Variants in ELAVL3 observed in about 807,000 individuals in gnomAD.
The protein encoded by ELAVL3 is ELAV-like protein 3.
ELAVL3 carries 8 observed loss-of-function variants against 34.2 expected under a neutral mutation model. The observed-to-expected ratio is 0.23, with a 90% CI of 0.14 to 0.42. The LOEUF (loss-of-function observed/expected upper bound fraction) is 0.42. Ranked by LOEUF, ELAVL3 falls within the 10% of genes least tolerant of loss-of-function variation. ELAVL3 has a pLI of 1.00. For missense variants in ELAVL3, 273 were observed against 518.8 expected (o/e 0.53, Z 4.60); for synonymous variants, 209 against 222.1 (o/e 0.94, Z 0.53).
At chr19:11,464,123 GTCTCTCTC>G (rs1165917141) in intron 3 of ELAVL3, among the ~76,000 whole-genome samples, 47 of 110,952 alleles carry the variant, frequency 4.2e-4, no homozygotes, top group African/African-American at 1.5e-3. Context: ...GTCTCTCTCT[GTCTCTCTC>G]TCTCTCTCTC....
At position 11,480,765 on chromosome 19, in the gene ELAVL3, C is replaced by T; in HGVS notation, c.-157G>A. 3.1e-6 allele frequency: 2 copies of T among 644,948 alleles called. No homozygotes were observed. Among genetic ancestry groups the T allele is most frequent in the Middle Eastern group, 4.8e-4 (1 of 2,082 alleles). 40.0% of individuals were successfully genotyped at this position (644,948 alleles called of 1,614,324 possible). On this transcript the variant is annotated 5_prime_UTR_variant, in exon 1 of 7. Transcript: ENST00000359227. The surrounding 1 kb of genome is among the most constrained non-coding windows in gnomAD (Gnocchi z 6.8). ...ATGAAGGCGGCGGCTCCCTCGAGGGCCAGGGACGGGCCCGAACCCGGGGAT... is the reference window on the plus strand; with the variant it reads ...ATGAAGGCGGCGGCTCCCTCGAGGGTCAGGGACGGGCCCGAACCCGGGGAT...
rs1019754431 is a variant in ELAVL3 at position 11,480,080 on chromosome 19, C to T, written c.9+520G>A. Among the ~76,000 whole-genome samples, 1 of 151,962 alleles carries T rather than the reference C, an allele frequency of 6.6e-6. No individual in the cohort carries two copies. The highest frequency in any genetic ancestry group is 1.5e-5 in the Non-Finnish European group (1 of 67,922). On this transcript the variant is annotated intron_variant, in intron 1 of 6. Transcript: ENST00000359227. This position sits in a 1 kb window ranked among gnomAD's most constrained non-coding sequence, Gnocchi z 6.8. The stretch of plus-strand genomic sequence containing the variant: ...CCTCCGGGCGCGCCCCCTCCTCTCC[C>T]CTCCCCGCTTGCCGCAAGGTCGACG...
At chr19:11,462,193 GAAAT>G in intron 3 of ELAVL3, among the ~76,000 whole-genome samples, 1 of 124,068 alleles carries the variant, frequency 8.1e-6, no homozygotes, top group Non-Finnish European at 1.6e-5. Context: ...AAAAAAAAAA[GAAAT>G]AACTAGTTTA....
chr19:11,451,601 G>C lies in ELAVL3; in HGVS notation c.*2925C>G. 1 of 151,348 alleles carries C rather than the reference G, an allele frequency of 6.6e-6. No homozygotes were observed. Among genetic ancestry groups the C allele is most frequent in the Non-Finnish European group, 1.5e-5 (1 of 67,750 alleles). 9.4% of individuals were successfully genotyped at this position (151,348 alleles called of 1,614,324 possible). A position where few individuals can be genotyped will look rare whatever the true frequency, so the allele number is the denominator to read the frequency against. Reference sequence around the variant, plus strand: ...ACAGGATGAAGGGAGGGGTGGAGGGGCTGAGCCCCCTCCCCCCTGGCCTGG... The same window carrying C: ...ACAGGATGAAGGGAGGGGTGGAGGGCCTGAGCCCCCTCCCCCCTGGCCTGG... On this transcript the variant is annotated 3_prime_UTR_variant, in exon 7 of 7. Transcript: ENST00000359227.
intron 6 of ELAVL3, among the ~76,000 whole-genome samples, chr19:11,455,497 G>A (rs981489928): frequency 3.9e-5 from 6 of 152,014 alleles, no homozygotes; most frequent in Admixed American, 1.3e-4. Flanking sequence ...ATGTTGATCA[G>A]GCTGGTCTCG....
Position 11,459,852 on chromosome 19 carries a change from GC to G in ELAVL3, c.334-1242del, listed in dbSNP as rs113662432. On this transcript the variant is annotated intron_variant, in intron 3 of 6. Transcript: ENST00000359227. ...TCCTCCCACCTCAGCCTCCCAAGTA[GC>G]TGGGACTACAGGCATGCACCACCAC... 2.6e-5 allele frequency among the ~76,000 whole-genome samples: 4 copies of G among 152,166 alleles called. 1 individual carries two copies. Among genetic ancestry groups the G allele is most frequent in the African/African-American group, 9.6e-5 (4 of 41,504 alleles).
chr19:11,464,117 CTCTCTG>C (rs1970951097), intron 3 of ELAVL3, among the ~76,000 whole-genome samples: 1 of 127,184 alleles, frequency 7.9e-6, no homozygotes, highest in African/African-American at 3.8e-5. Flanking sequence ...CTCTCTGTCT[CTCTCTG>C]TCTCTCTCTC....
At position 11,466,663 on chromosome 19, in the gene ELAVL3, G is replaced by C; in HGVS notation, c.174C>G (p.Leu58=). 1 of 1,614,226 alleles carries C rather than the reference G, an allele frequency of 6.2e-7. No homozygotes were observed. The highest frequency in any genetic ancestry group is 8.5e-7 in the Non-Finnish European group (1 of 1,180,046). ...QNMTQDEFKS[L]FGSIGDIESC... ...ACTCGATGTCGCCAATGCTGCCGAAGAGACTCTTGAACTCATCCTGGGTCA... is the reference window on the plus strand; with the variant it reads ...ACTCGATGTCGCCAATGCTGCCGAACAGACTCTTGAACTCATCCTGGGTCA... The change falls in exon 2 of 7, where the codon CTC becomes CTG. Residue 58 remains leucine (L), a synonymous_variant. Coordinates refer to ENST00000359227, the MANE Select transcript of ELAVL3 (RefSeq NM_001420.4). This position sits in a 1 kb window ranked among gnomAD's most constrained non-coding sequence, Gnocchi z 5.0.
At chr19:11,473,687 A>T (rs1468079708) in intron 1 of ELAVL3, among the ~76,000 whole-genome samples, 1 of 152,232 alleles carries the variant, frequency 6.6e-6, no homozygotes, top group African/African-American at 2.4e-5. Context: ...GAGATATTTT[A>T]AAAATTGCCA....
intron 1 of ELAVL3, among the ~76,000 whole-genome samples, chr19:11,467,939 G>A (rs1971089261): frequency 6.6e-6 from 1 of 152,138 alleles, no homozygotes; most frequent in Non-Finnish European, 1.5e-5. Flanking sequence ...ATAGGCGCAT[G>A]CCACCATGTC....
intron 1 of ELAVL3, among the ~76,000 whole-genome samples, chr19:11,475,365 T>G (rs1971243249): frequency 6.6e-6 from 1 of 152,226 alleles, no homozygotes; most frequent in South Asian, 2.1e-4. Flanking sequence ...ATGCCTTGTC[T>G]CGCTATGTTG....
In ELAVL3 at chr19:11,454,515, GC is replaced by G. The variant is rs1483574750; in HGVS notation, c.*10del. 1 of 1,576,646 alleles carries G rather than the reference GC, an allele frequency of 6.3e-7. No homozygotes were observed. The highest frequency in any genetic ancestry group is 8.6e-7 in the Non-Finnish European group (1 of 1,160,204). On this transcript the variant is annotated 3_prime_UTR_variant, in exon 7 of 7. Coordinates refer to ENST00000359227, the MANE Select transcript of ELAVL3 (RefSeq NM_001420.4). The surrounding 1 kb of genome is among the most constrained non-coding windows in gnomAD (Gnocchi z 9.2). ...GCCCGGGGAGGGGGTGGGAGGGCAGGCGGGGTGGGCTCACGCCTTGTGCTGT... is the reference window on the plus strand; with the variant it reads ...GCCCGGGGAGGGGGTGGGAGGGCAGGGGGGTGGGCTCACGCCTTGTGCTGT...
chr19:11,476,656 TG>T (rs1292755483), intron 1 of ELAVL3, among the ~76,000 whole-genome samples: 1 of 151,808 alleles, frequency 6.6e-6, no homozygotes, highest in East Asian at 1.9e-4. Context: ...CCCAATACTT[TG>T]GGAGGCCTAG....
intron 3 of ELAVL3, among the ~76,000 whole-genome samples, chr19:11,459,624 G>C (rs993399881): frequency 6.6e-6 from 1 of 151,400 alleles, no homozygotes; most frequent in African/African-American, 2.4e-5. Flanking sequence ...TGTTACCTAG[G>C]CTGGTATTGA....
At chr19:11,460,106 G>A (rs116829465) in intron 3 of ELAVL3, among the ~76,000 whole-genome samples, 1,826 of 152,142 alleles carry the variant, frequency 0.012, 40 homozygotes, top group African/African-American at 0.042. Context: ...CCTCCAATCT[G>A]CCCCAACTCA....
At chr19:11,465,691 C>G (rs1211670314) in intron 3 of ELAVL3, among the ~76,000 whole-genome samples, 2 of 152,130 alleles carry the variant, frequency 1.3e-5, no homozygotes, top group Admixed American at 1.3e-4. Context: ...ATGACGATTC[C>G]CCCCCAGGGA....
intron 3 of ELAVL3, among the ~76,000 whole-genome samples, chr19:11,462,568 C>T (rs547646956): frequency 3.3e-5 from 5 of 151,092 alleles, no homozygotes; most frequent in Admixed American, 6.6e-5. Flanking sequence ...ACCTGAGAGG[C>T]GGAATTGCAG....
In ELAVL3 at chr19:11,454,903, G is replaced by A; in HGVS notation, c.753-26C>T. 1 of 1,568,518 alleles carries A rather than the reference G, an allele frequency of 6.4e-7. No homozygotes were observed. On this transcript the variant is annotated intron_variant, in intron 6 of 6. Transcript: ENST00000359227. The surrounding 1 kb of genome is among the most constrained non-coding windows in gnomAD (Gnocchi z 9.2). The stretch of plus-strand genomic sequence containing the variant: ...CTACTTTGGGGGTCACGCGGGCTCT[G>A]CCCTGACCCCCCGCATGCTTCTGAC...
intron 1 of ELAVL3, among the ~76,000 whole-genome samples, chr19:11,467,236 A>G (rs1971073133): frequency 6.6e-6 from 1 of 151,978 alleles, no homozygotes; most frequent in South Asian, 2.1e-4. Context: ...CAGCCAGACC[A>G]ACATGGAGAA....
Sources: allele counts gnomAD v4.1 joint callset (sites outside exome capture counted in the v4.1 genomes callset), GRCh38; gene constraint gnomAD v4.1.1; non-coding constraint Gnocchi (gnomAD v3.1); transcripts MANE v1.5; gene names NCBI Gene and HGNC (gene_info 2026-07-23, HGNC 2026-07-21).